Variants in ABCA1 observed in about 807,000 individuals in gnomAD.
ABCA1 encodes the protein ATP binding cassette subfamily A member 1.
In ABCA1, 133 loss-of-function variants were observed where a neutral mutation model predicts 262.5. The observed-to-expected ratio is 0.51, with a 90% CI of 0.44 to 0.59. ABCA1 has a LOEUF of 0.59. Among genes scored for constraint, ABCA1 ranks in the 20% least tolerant of loss-of-function variants. The pLI, the probability that ABCA1 is intolerant of heterozygous loss-of-function variation, is 0.00. For synonymous variants in ABCA1, 1,022 were observed against 1,043.5 expected (o/e 0.98, Z 0.40); for missense variants, 2,452 against 2,777.5 (o/e 0.88, Z 2.63).
chr9:104,829,020 T>C lies in ABCA1; in HGVS notation c.2011A>G (p.Met671Val). The change falls in exon 15 of 50, where the codon ATG (methionine) becomes GTG (valine). Residue 671 changes from methionine (M) to valine (V), a missense_variant. Transcript: ENST00000374736. The part of the protein sequence containing the change: ...YEKEARLKET[M>V]RIMGLDNSIL... ...CTGTTGTCCAGGCCCATGATCCGCA[T>C]GGTCTCTTTCAGCCGTGCCTCCTTC... is the stretch of plus-strand genomic sequence containing the variant. 1 of 1,614,202 alleles carries C rather than the reference T, an allele frequency of 6.2e-7. No individual in the cohort carries two copies. Among genetic ancestry groups the C allele is most frequent in the Non-Finnish European group, 8.5e-7 (1 of 1,180,038 alleles).
chr9:104,901,224 A>G (rs1181552188), intron 2 of ABCA1, among the ~76,000 whole-genome samples: 1 of 152,172 alleles, frequency 6.6e-6, no homozygotes, highest in Admixed American at 6.5e-5. Context: ...AGTTTGGAGG[A>G]GGGAAGAAAA....
At chr9:104,913,193 TC>T (rs1812447958) in intron 1 of ABCA1, among the ~76,000 whole-genome samples, 1 of 152,172 alleles carries the variant, frequency 6.6e-6, no homozygotes, top group Non-Finnish European at 1.5e-5. Flanking sequence ...TCACTGTCTT[TC>T]TTTCTTTTCC....
Position 104,849,426 on chromosome 9 carries a change from G to T in ABCA1, c.721-3857C>A, listed in dbSNP as rs1361438522. Among the ~76,000 whole-genome samples, 4 of 152,102 alleles carry T rather than the reference G, an allele frequency of 2.6e-5. No homozygotes were observed. The East Asian group carries it at 7.7e-4, about 29-fold the overall frequency. On this transcript the variant is annotated intron_variant, in intron 7 of 49. Transcript: ENST00000374736. The stretch of plus-strand genomic sequence containing the variant: ...GGTTTTGGTCTCCAACAGAAACATT[G>T]GCTGAACCCACCCATGAGTAATAAG...
At chr9:104,924,515 C>T (rs1461692537) in intron 1 of ABCA1, among the ~76,000 whole-genome samples, 1 of 150,822 alleles carries the variant, frequency 6.6e-6, no homozygotes, top group Non-Finnish European at 1.5e-5. Context: ...GAGGTTGAGG[C>T]AGGAGAATCA....
chr9:104,819,390 TTGG>T (rs1832067296), intron 22 of ABCA1, among the ~76,000 whole-genome samples, 193 bp downstream of exon 22: 1 of 152,156 alleles, frequency 6.6e-6, no homozygotes. Context: ...GTGCACCATG[TTGG>T]GGACAAAAAG....
intron 5 of ABCA1, among the ~76,000 whole-genome samples, chr9:104,873,707 A>G (rs1302089539): frequency 6.6e-6 from 1 of 152,186 alleles, no homozygotes; most frequent in African/African-American, 2.4e-5. Flanking sequence ...TTTTATGATG[A>G]TTGTAAAAAT....
chr9:104,832,719 C>T lies in ABCA1; in HGVS notation c.1364G>A (p.Gly455Asp), dbSNP rs1833453800. 6.2e-7 allele frequency: 1 copy of T among 1,614,186 alleles called. No homozygotes were observed. Among genetic ancestry groups the T allele is most frequent in the East Asian group, 2.2e-5 (1 of 44,880 alleles). The change falls in exon 12 of 50, where the codon GGC becomes GAC. Residue 455 changes from glycine (G) to aspartate (D), a missense_variant. Gly to Asp is a moderately conservative substitution (Grantham distance 94). Transcript: ENST00000374736. Reference protein sequence around the residue: ...NDHFWEQQLDGLDWTAQDIVA... With the variant: ...NDHFWEQQLDDLDWTAQDIVA... ...GATGTCTTGGGCTGTCCAATCTAAG[C>T]CATCCAACTGCTGTTCCCAAAAGTG...
chr9:104,914,070 A>T (rs560316516), intron 1 of ABCA1, among the ~76,000 whole-genome samples: 38 of 151,204 alleles, frequency 2.5e-4, no homozygotes, highest in Middle Eastern at 6.8e-3. Flanking sequence ...AAGTGCTGGG[A>T]TTACAGGCGT....
intron 1 of ABCA1, among the ~76,000 whole-genome samples, chr9:104,922,816 ATTC>A (rs1218998187): frequency 7.9e-5 from 12 of 152,106 alleles, no homozygotes; most frequent in Non-Finnish European, 1.6e-4. Context: ...GGTTCAAGCA[ATTC>A]TTCTACTTCA....
At chr9:104,822,850 T>C (rs956882752) in intron 18 of ABCA1, among the ~76,000 whole-genome samples, 183 bp from the exon 19 acceptor site, 1 of 152,214 alleles carries the variant, frequency 6.6e-6, no homozygotes, top group East Asian at 1.9e-4. Flanking sequence ...ATGTTGGTGA[T>C]GGGAATACGA....
intron 5 of ABCA1, among the ~76,000 whole-genome samples, chr9:104,865,545 AT>A (rs1837018516): frequency 6.6e-6 from 1 of 151,708 alleles, no homozygotes; most frequent in Admixed American, 6.6e-5. Flanking sequence ...ATTTAATAAA[AT>A]TTTTCAGGTG....
At chr9:104,892,273 G>A (rs1323693982) in intron 2 of ABCA1, among the ~76,000 whole-genome samples, 1 of 151,962 alleles carries the variant, frequency 6.6e-6, no homozygotes, top group Non-Finnish European at 1.5e-5. Flanking sequence ...GCTTGGGAAT[G>A]ACATTCAGCC....
chr9:104,818,363 G>A (rs1459151168), intron 23 of ABCA1, among the ~76,000 whole-genome samples: 1 of 152,092 alleles, frequency 6.6e-6, no homozygotes, highest in Non-Finnish European at 1.5e-5. Flanking sequence ...TGTAGCCAAG[G>A]CTCTTACCTC....
At position 104,783,398 on chromosome 9, in the gene ABCA1, CAG is replaced by C. The variant is rs1255089999; in HGVS notation, c.*915_*916del. 1 of 152,190 alleles carries C rather than the reference CAG, an allele frequency of 6.6e-6. No individual in the cohort carries two copies. The highest frequency in any genetic ancestry group is 2.4e-5 in the African/African-American group (1 of 41,440). 9.4% of individuals were successfully genotyped at this position (152,190 alleles called of 1,614,324 possible). Reference sequence around the variant, plus strand: ...CTTGAGATGCAGTGTACCATGTTAGCAGACAGTCAGGACAAATGGGCACAGGC... The same window carrying C: ...CTTGAGATGCAGTGTACCATGTTAGCACAGTCAGGACAAATGGGCACAGGC... On this transcript the variant is annotated 3_prime_UTR_variant, in exon 50 of 50. Transcript: ENST00000374736.
At chr9:104,903,559 A>C in intron 2 of ABCA1, 55 bp downstream of exon 2, 1 of 1,539,948 alleles carries the variant, frequency 6.5e-7, no homozygotes, top group Non-Finnish European at 8.8e-7. Flanking sequence ...TCCCCAACTC[A>C]AAACCACAAA....
intron 8 of ABCA1, among the ~76,000 whole-genome samples, chr9:104,841,645 C>T (rs1452796661): frequency 8.2e-6 from 1 of 121,602 alleles, no homozygotes. Flanking sequence ...TGGACACTGC[C>T]CTCTACTCAT....
intron 7 of ABCA1, among the ~76,000 whole-genome samples, chr9:104,851,487 T>C (rs1020308476): frequency 2.0e-5 from 3 of 152,312 alleles, no homozygotes; most frequent in Non-Finnish European, 2.9e-5. Context: ...CCACCTTCTC[T>C]TCCCTCTCCT....
intron 22 of ABCA1, 51 bp downstream of exon 22, chr9:104,819,535 C>T (rs749278337): frequency 5.0e-6 from 8 of 1,609,190 alleles, no homozygotes; most frequent in South Asian, 3.3e-5. Context: ...TTCTCAAAAG[C>T]CCCCCGCTCT....
intron 2 of ABCA1, among the ~76,000 whole-genome samples, chr9:104,895,529 A>T (rs1433479087): frequency 1.3e-5 from 2 of 152,168 alleles, no homozygotes; most frequent in African/African-American, 4.8e-5. Context: ...GGGTAGGGGG[A>T]TAACCGGCCC....
Sources: allele counts gnomAD v4.1 joint callset (sites outside exome capture counted in the v4.1 genomes callset), GRCh38; gene constraint gnomAD v4.1.1; transcripts MANE v1.5; gene names NCBI Gene and HGNC (gene_info 2026-07-23, HGNC 2026-07-21).